PEX14: variants seen among roughly 807,000 people sequenced by gnomAD.
PEX14 encodes peroxisomal membrane protein PEX14.
In PEX14, 15 loss-of-function variants were observed where a neutral mutation model predicts 49.5. The observed-to-expected ratio is 0.30, with a 90% CI of 0.20 to 0.47. The LOEUF (loss-of-function observed/expected upper bound fraction) is 0.47. PEX14 is among the 20% of genes least tolerant of loss of function. The pLI is 1.00. For synonymous variants in PEX14, 210 were observed against 212.7 expected, an observed-to-expected ratio of 0.99 and a Z score of 0.11; for missense variants, 398 against 494.8, an observed-to-expected ratio of 0.80 and a Z score of 1.86.
chr1:10,623,192 C>T lies in PEX14; in HGVS notation c.487+71C>T, dbSNP rs1178776291. On this transcript the variant is annotated intron_variant, in intron 6 of 8. Transcript: ENST00000356607. This position sits in a 1 kb window ranked among gnomAD's most constrained non-coding sequence, Gnocchi z 4.4. ...AAGCAGCCCCTTCTCTGCCCCTCCCCTCTCCCTCTGTCTCCACTCTATGTG... is the reference window on the plus strand; with the variant it reads ...AAGCAGCCCCTTCTCTGCCCCTCCCTTCTCCCTCTGTCTCCACTCTATGTG... 1.8e-4 allele frequency: 168 copies of T among 943,600 alleles called. 1 individual carries two copies. The South Asian group carries it at 2.1e-3, about 12-fold the overall frequency. The allele number at this position is 943,600 out of a possible 1,614,324, so 58.5% of individuals were successfully genotyped here.
chr1:10,536,269 A>G lies in PEX14; in HGVS notation c.141A>G (p.Ala47=). 1 of 1,610,474 alleles carries G rather than the reference A, an allele frequency of 6.2e-7. No homozygotes were observed. Among genetic ancestry groups the G allele is most frequent in the Non-Finnish European group, 8.5e-7 (1 of 1,176,650 alleles). Residue 47 remains alanine, a synonymous_variant, in exon 3 of 9, where the codon GCA becomes GCG. Transcript: ENST00000356607. The part of the protein sequence containing the change: ...QNSRVRQSPL[A]TRRAFLKKKG... ...CCCGGGTCCGCCAGAGCCCACTTGC[A>G]ACCAGGAGAGCATTCCTAAAGAAGA...
chr1:10,609,267 GGTAGATATCTAGGAGTGGAATT>G (rs1570345295), intron 4 of PEX14, among the ~76,000 whole-genome samples: 1 of 152,016 alleles, frequency 6.6e-6, no homozygotes, highest in Admixed American at 6.6e-5. Context: ...ATTCCTCTTG[GGTAGATATCTAGGAGTGGAATT>G]GCTGGATGTG....
chr1:10,545,362 G>C (rs1639138087), intron 3 of PEX14, among the ~76,000 whole-genome samples: 1 of 152,186 alleles, frequency 6.6e-6, no homozygotes, highest in Non-Finnish European at 1.5e-5. Context: ...GGAATGGCTG[G>C]ATCATATAAT....
intron 2 of PEX14, among the ~76,000 whole-genome samples, chr1:10,500,454 C>T (rs1485597970): frequency 6.9e-6 from 1 of 145,874 alleles, no homozygotes; most frequent in Non-Finnish European, 1.5e-5. Flanking sequence ...AGACCTCTAA[C>T]ATGTATTCCT....
intron 3 of PEX14, among the ~76,000 whole-genome samples, chr1:10,577,590 T>A (rs1262894451): frequency 0.023 from 639 of 27,896 alleles, 61 homozygotes; most frequent in Non-Finnish European, 0.032. Flanking sequence ...TTTTTTTTTT[T>A]TTTTTTTTTT....
intron 4 of PEX14, 70 bp from the exon 5 acceptor site, chr1:10,618,262 C>G: frequency 8.2e-7 from 1 of 1,212,836 alleles, no homozygotes; most frequent in South Asian, 1.2e-5. Context: ...ACTGAGGCAC[C>G]TGTGCCAGCC....
intron 1 of PEX14, among the ~76,000 whole-genome samples, chr1:10,492,826 C>T (rs1271419646): frequency 2.0e-5 from 3 of 152,174 alleles, no homozygotes; most frequent in East Asian, 1.9e-4. Flanking sequence ...TTTCTGCACA[C>T]GTGGAGTTTA....
chr1:10,580,691 C>T (rs1267260355), intron 3 of PEX14, among the ~76,000 whole-genome samples: 2 of 151,540 alleles, frequency 1.3e-5, no homozygotes, highest in Non-Finnish European at 2.9e-5. Context: ...ATATTGTAAT[C>T]CCTAGAGGGA....
Position 10,629,405 on chromosome 1 carries a change from T to C in PEX14, c.678-126T>C. 1 of 729,528 alleles carries C rather than the reference T, an allele frequency of 1.4e-6. No homozygotes were observed. The highest frequency in any genetic ancestry group is 2.5e-6 in the Non-Finnish European group (1 of 405,698). The allele number at this position is 729,528 out of a possible 1,614,324, so 45.2% of individuals were successfully genotyped here. ...GGGTGGAAGGGCTCCATCCTGTCCCTTGCCCAGTGTCCCTGGGGGAGCAGC... is the reference window on the plus strand; with the variant it reads ...GGGTGGAAGGGCTCCATCCTGTCCCCTGCCCAGTGTCCCTGGGGGAGCAGC... On this transcript the variant is annotated intron_variant, in intron 8 of 8. Transcript: ENST00000356607. The surrounding 1 kb of genome is among the most constrained non-coding windows in gnomAD (Gnocchi z 8.5).
intron 1 of PEX14, among the ~76,000 whole-genome samples, chr1:10,479,530 C>T (rs1641249983): frequency 6.6e-6 from 1 of 152,240 alleles, no homozygotes; most frequent in African/African-American, 2.4e-5. Flanking sequence ...TATTTCCCAA[C>T]TTTCCTACTA....
At chr1:10,580,707 T>TA (rs943870738) in intron 3 of PEX14, among the ~76,000 whole-genome samples, 3 of 150,526 alleles carry the variant, frequency 2.0e-5, no homozygotes, top group East Asian at 1.9e-4. Flanking sequence ...AGGGACCACT[T>TA]AAAAAAAAAT....
chr1:10,493,737 T>C (rs186819112), intron 1 of PEX14, among the ~76,000 whole-genome samples: 1 of 152,316 alleles, frequency 6.6e-6, no homozygotes, highest in Admixed American at 6.5e-5. Context: ...GGAAGGAGTA[T>C]GGCAGACTTG....
At chr1:10,585,693 G>T (rs1640461529) in intron 3 of PEX14, among the ~76,000 whole-genome samples, 1 of 152,254 alleles carries the variant, frequency 6.6e-6, no homozygotes, top group Non-Finnish European at 1.5e-5. Flanking sequence ...GCCGAGGTGA[G>T]CAGATCACCT....
rs1384710755 is a variant in PEX14, at chr1:10,494,676, C to T, written c.37-598C>T. On this transcript the variant is annotated intron_variant, in intron 1 of 8. Coordinates refer to ENST00000356607, the MANE Select transcript of PEX14 (RefSeq NM_004565.3). The surrounding 1 kb of genome is among the most constrained non-coding windows in gnomAD (Gnocchi z 4.3). ...TGCCAGCCTGTCACTAGCTTATTTC[C>T]AAGAAGGATTTAAGCCTGGGGCTTT... 6.6e-6 allele frequency among the ~76,000 whole-genome samples: 1 copy of T among 152,184 alleles called. No homozygotes were observed. The highest frequency in any genetic ancestry group is 6.5e-5 in the Admixed American group (1 of 15,278).
At chr1:10,574,592 A>G (rs947389797) in intron 3 of PEX14, among the ~76,000 whole-genome samples, 1 of 152,204 alleles carries the variant, frequency 6.6e-6, no homozygotes, top group African/African-American at 2.4e-5. Context: ...GGAAGAAAAG[A>G]TGATCAGCAA....
chr1:10,517,139 G>C (rs1641983143), intron 2 of PEX14: 1 of 152,258 alleles, frequency 6.6e-6, no homozygotes, highest in Admixed American at 6.5e-5. Context: ...GAGGTCAGAG[G>C]AGCACGTGAA....
chr1:10,580,993 C>T (rs1640299617), intron 3 of PEX14, among the ~76,000 whole-genome samples: 1 of 151,988 alleles, frequency 6.6e-6, no homozygotes, highest in Non-Finnish European at 1.5e-5. Context: ...CTAATTTTTG[C>T]TTTTAACCAC....
At chr1:10,627,499 C>T (rs1641785238) in intron 8 of PEX14, 136 bp downstream of exon 8, 1 of 692,512 alleles carries the variant, frequency 1.4e-6, no homozygotes, top group African/African-American at 1.8e-5. Flanking sequence ...GGCACTGAGT[C>T]TGGGGCCTTT....
chr1:10,618,707 C>T (rs756479481), intron 5 of PEX14, among the ~76,000 whole-genome samples: 1 of 152,206 alleles, frequency 6.6e-6, no homozygotes, highest in Non-Finnish European at 1.5e-5. Flanking sequence ...CCATGTCAGG[C>T]ACTTACAGTA....
Sources: gnomAD v4.1 joint callset for allele counts (sites outside exome capture counted in the v4.1 genomes callset) on GRCh38, gnomAD v4.1.1 for gene constraint, Gnocchi (gnomAD v3.1) non-coding constraint, MANE v1.5 for transcripts, NCBI Gene and HGNC (gene_info 2026-07-23, HGNC 2026-07-21) for gene names.